The following GNPDA2 variants were observed in gnomAD, a reference collection of about 807,000 sequenced individuals.
The protein encoded by GNPDA2 is glucosamine-6-phosphate deaminase 2.
GNPDA2 carries 24 observed loss-of-function variants against 27.0 expected under a neutral mutation model. The observed-to-expected ratio is 0.89, with a 90% CI of 0.64 to 1.25. GNPDA2 has a LOEUF of 1.25. GNPDA2 is among the 50% of genes most tolerant of loss of function. GNPDA2 has a pLI of 0.00. For missense variants in GNPDA2, 286 were observed against 335.1 expected, an observed-to-expected ratio of 0.85 and a Z score of 1.14; for synonymous variants, 94 against 108.4, an observed-to-expected ratio of 0.87 and a Z score of 0.83.
chr4:44,702,762 A>G lies in GNPDA2; in HGVS notation c.*319T>C. On this transcript the variant is annotated 3_prime_UTR_variant, in exon 7 of 7. Coordinates refer to ENST00000295448, the MANE Select transcript of GNPDA2 (RefSeq NM_138335.3). The stretch of plus-strand genomic sequence containing the variant: ...ATACGCCACTGGAGTCATATCACAA[A>G]TGGTGCCTGATGTGGACACTCTACC... 1 of 1,135,542 alleles carries G rather than the reference A, an allele frequency of 8.8e-7. No individual in the cohort carries two copies. Among genetic ancestry groups the G allele is most frequent in the East Asian group, 6.8e-5 (1 of 14,624 alleles). 70.3% of individuals were successfully genotyped at this position (1,135,542 alleles called of 1,614,324 possible).
chr4:44,704,120 A>T, intron 6 of GNPDA2: 1 of 985,046 alleles, frequency 1.0e-6, no homozygotes, highest in Non-Finnish European at 1.2e-6. Context: ...TTAAGGGACA[A>T]GCAAAGAGTA....
intron 4 of GNPDA2, 89 bp from the exon 5 acceptor site, chr4:44,711,226 CTTGTT>C (rs1199495539): frequency 4.1e-5 from 29 of 708,776 alleles, no homozygotes; most frequent in South Asian, 7.6e-5. Flanking sequence ...AAAAAATCAC[CTTGTT>C]TTATTTTATA....
chr4:44,709,412 G>A (rs1326685317), intron 5 of GNPDA2, among the ~76,000 whole-genome samples: 1 of 152,018 alleles, frequency 6.6e-6, no homozygotes, highest in Non-Finnish European at 1.5e-5. Flanking sequence ...TCATATCATG[G>A]GAAAGGACAA....
intron 6 of GNPDA2, chr4:44,704,490 T>A (rs1223979885): frequency 6.5e-6 from 5 of 765,070 alleles, no homozygotes; most frequent in Non-Finnish European, 4.8e-6. Flanking sequence ...TTTATAAAAT[T>A]TTTTTCTTTA....
In GNPDA2 at chr4:44,718,741, A is replaced by G. The variant is rs190635852; in HGVS notation, c.125-331T>C. On this transcript the variant is annotated intron_variant, in intron 2 of 6. Coordinates refer to ENST00000295448, the MANE Select transcript of GNPDA2 (RefSeq NM_138335.3). ...ACTTTTTAAAAATCTCCCTTTCTGA[A>G]AAAAAAATCTTGAGTTCTTGCACAA... 4.6e-5 allele frequency among the ~76,000 whole-genome samples: 7 copies of G among 151,924 alleles called. No homozygotes were observed. In the East Asian group the frequency reaches 1.4e-3, roughly 29 times the overall value.
Position 44,707,879 on chromosome 4 carries a change from T to C in GNPDA2, c.642A>G (p.Lys214=). 1.2e-6 allele frequency: 2 copies of C among 1,613,276 alleles called. No individual in the cohort carries two copies. The highest frequency in any genetic ancestry group is 1.7e-6 in the Non-Finnish European group (2 of 1,179,424). The change falls in exon 6 of 7, where the codon AAA becomes AAG. Residue 214 remains lysine, a synonymous_variant. Transcript: ENST00000295448. Reference sequence around the variant, plus strand: ...TGTGATTGACTCCTTCTTCTATTGCTTTGTACAGGGCAAATGCCTTGTGTG... The same window carrying C: ...TGTGATTGACTCCTTCTTCTATTGCCTTGTACAGGGCAAATGCCTTGTGTG... ...TGAHKAFALY[K]AIEEGVNHMW...
intron 5 of GNPDA2, among the ~76,000 whole-genome samples, chr4:44,709,410 T>C (rs764874857): frequency 3.3e-5 from 5 of 152,124 alleles, no homozygotes; most frequent in African/African-American, 7.2e-5. Context: ...TCTCATATCA[T>C]GGGAAAGGAC....
chr4:44,706,273 T>C (rs1024049642), intron 6 of GNPDA2: 7 of 149,552 alleles, frequency 4.7e-5, no homozygotes, highest in African/African-American at 1.7e-4. Flanking sequence ...AAATTAGTAA[T>C]TTAAATGGTA....
chr4:44,703,822 T>G, intron 6 of GNPDA2: 2 of 985,272 alleles, frequency 2.0e-6, no homozygotes, highest in Non-Finnish European at 2.4e-6. Context: ...ATCTTCCAGT[T>G]ACTCCTGTTT....
chr4:44,722,306 T>G, intron 1 of GNPDA2, 64 bp from the exon 2 acceptor site: 1 of 1,237,378 alleles, frequency 8.1e-7, no homozygotes. Context: ...CAGTAACTTT[T>G]TAAAAGATGT....
At chr4:44,704,550 A>T in intron 6 of GNPDA2, 2 of 735,780 alleles carry the variant, frequency 2.7e-6, no homozygotes, top group South Asian at 6.2e-5. Flanking sequence ...CAAACTAGAA[A>T]TAATTATTTT....
At chr4:44,707,981 CTA>C in intron 5 of GNPDA2, 55 bp from the exon 6 acceptor site, 1 of 1,286,652 alleles carries the variant, frequency 7.8e-7, no homozygotes, top group East Asian at 2.5e-5. Context: ...GTAAGAAGCT[CTA>C]TTTTTTTTAA....
chr4:44,710,994 C>T lies in GNPDA2; in HGVS notation c.553G>A (p.Ala185Thr), dbSNP rs1226846872. The T allele has an allele frequency of 6.2e-7, 1 of 1,612,352 alleles. No individual in the cohort carries two copies. Among genetic ancestry groups the T allele is most frequent in the Admixed American group, 1.7e-5 (1 of 59,778 alleles). ...DGDLSKVPTM[A>T]LTVGVGTVMD... is the part of the protein sequence containing the mutation. ...ACTGTCCCCACACCAACAGTTAGAGCCATAGTTGGCACTTTTGATAAATCT... is the reference window on the plus strand; with the variant it reads ...ACTGTCCCCACACCAACAGTTAGAGTCATAGTTGGCACTTTTGATAAATCT... Residue 185 changes from alanine to threonine, a missense_variant, in exon 5 of 7, where the codon GCT (alanine) becomes ACT (threonine). By Grantham distance (58) the Ala-to-Thr change is moderately conservative (BLOSUM62 0). Coordinates refer to ENST00000295448, the MANE Select transcript of GNPDA2 (RefSeq NM_138335.3).
intron 6 of GNPDA2, chr4:44,703,723 A>T: frequency 1.0e-6 from 1 of 983,816 alleles, no homozygotes. Flanking sequence ...TTACGATTTT[A>T]AATCCGGTAG....
In GNPDA2 at chr4:44,718,421, T is replaced by TA. The variant is rs1441334164; in HGVS notation, c.125-12dup. 5 of 1,012,720 alleles carry TA rather than the reference T, an allele frequency of 4.9e-6. No individual in the cohort carries two copies. Among genetic ancestry groups the TA allele is most frequent in the African/African-American group, 1.7e-5 (1 of 59,612 alleles). The allele number at this position is 1,012,720 out of a possible 1,614,324, so 62.7% of individuals were successfully genotyped here. ...CTAAAGGTGTACTCCCTAAAAGACA[T>TA]AAAAATTCCATTTTCTAAAATGACT... is the stretch of plus-strand genomic sequence containing the variant. On this transcript the variant is annotated splice_polypyrimidine_tract_variant and intron_variant, in intron 2 of 6. Transcript: ENST00000295448.
chr4:44,717,120 A>G lies in GNPDA2; in HGVS notation c.402T>C (p.Phe134=). 1 of 1,601,722 alleles carries G rather than the reference A, an allele frequency of 6.2e-7. No homozygotes were observed. Among genetic ancestry groups the G allele is most frequent in the Non-Finnish European group, 8.5e-7 (1 of 1,174,098 alleles). Residue 134 remains phenylalanine (F), a synonymous_variant, in exon 4 of 7, where the codon TTT becomes TTC. Coordinates refer to ENST00000295448, the MANE Select transcript of GNPDA2 (RefSeq NM_138335.3). ...KIKEAGGIDL[F]VGGIGPDGHI... ...CAAAAGGTTTTTACATACCTCCAAC[A>G]AAAAGATCTATTCCTCCAGCTTCTT...
At chr4:44,722,705 G>A (rs1717756099) in intron 1 of GNPDA2, among the ~76,000 whole-genome samples, 1 of 152,130 alleles carries the variant, frequency 6.6e-6, no homozygotes. Flanking sequence ...CAGGTGATAT[G>A]CAAGTACTAT....
At chr4:44,713,225 T>C (rs1560360422) in intron 4 of GNPDA2, among the ~76,000 whole-genome samples, 1 of 152,200 alleles carries the variant, frequency 6.6e-6, no homozygotes, top group Non-Finnish European at 1.5e-5. Context: ...GTAAAGTGAC[T>C]GTGGTCTAGA....
At chr4:44,704,626 G>C (rs1249395770) in intron 6 of GNPDA2, 7 of 834,152 alleles carry the variant, frequency 8.4e-6, no homozygotes, top group Non-Finnish European at 1.0e-5. Context: ...GGTAAAAACT[G>C]ACAACTTTCT....
Sources: gnomAD v4.1 joint callset for allele counts (sites outside exome capture counted in the v4.1 genomes callset) on GRCh38, gnomAD v4.1.1 for gene constraint, MANE v1.5 for transcripts, NCBI Gene and HGNC (gene_info 2026-07-23, HGNC 2026-07-21) for gene names.